Variants in GALNT14 observed in about 807,000 individuals in gnomAD.
GALNT14 encodes UDP-GalNAc:polypeptide N-acetylgalactosaminyltransferase 14.
In GALNT14, 60 loss-of-function variants were observed where a neutral mutation model predicts 77.5. That is an observed-to-expected ratio of 0.77 (90% CI 0.63 to 0.96). The LOEUF (loss-of-function observed/expected upper bound fraction) is 0.96, where lower values mean the gene tolerates loss of function less well. Ranked by LOEUF, GALNT14 falls within the 40% of genes least tolerant of loss-of-function variation. The pLI, the probability that GALNT14 is intolerant of heterozygous loss-of-function variation, is 0.00. For missense variants in GALNT14, 710 were observed against 731.0 expected (o/e 0.97, Z 0.33); for synonymous variants, 280 against 281.7 (o/e 0.99, Z 0.06).
intron 1 of GALNT14, among the ~76,000 whole-genome samples, chr2:31,061,434 C>T (rs532905245): frequency 2.0e-5 from 3 of 152,306 alleles, no homozygotes; most frequent in Admixed American, 1.3e-4. Context: ...TGGCTTCCCA[C>T]GATCACTCCC....
rs148507427 is a variant in GALNT14, at chr2:30,961,808, A to T, written c.399-3344T>A. Among the ~76,000 whole-genome samples the T allele has an allele frequency of 7.3e-3, 1,117 of 152,072 alleles. 81 individuals are homozygous for T. In the East Asian group the frequency reaches 0.17, roughly 23 times the overall value. ...GTGATTCTCCTGACTCAGCCTCCCAAGTAGCTGGGATTACAGGCGCCTGCC... is the reference window on the plus strand; with the variant it reads ...GTGATTCTCCTGACTCAGCCTCCCATGTAGCTGGGATTACAGGCGCCTGCC... On this transcript the variant is annotated intron_variant, in intron 3 of 14. Transcript: ENST00000349752.
chr2:30,911,915 A>T (rs1201959563), intron 14 of GALNT14, among the ~76,000 whole-genome samples: 2 of 152,130 alleles, frequency 1.3e-5, no homozygotes, highest in Non-Finnish European at 2.9e-5. Context: ...TGACCCTGAG[A>T]TCCTTGTTTG....
At chr2:31,070,170 G>T (rs930445498) in intron 1 of GALNT14, among the ~76,000 whole-genome samples, 2 of 152,164 alleles carry the variant, frequency 1.3e-5, no homozygotes, top group South Asian at 4.1e-4. Flanking sequence ...CTCGACCAAG[G>T]ACTTCTTCCC....
intron 1 of GALNT14, among the ~76,000 whole-genome samples, chr2:31,136,529 C>T (rs1679235215): frequency 6.6e-6 from 1 of 152,156 alleles, no homozygotes; most frequent in South Asian, 2.1e-4. Flanking sequence ...GATGAGTGAA[C>T]TCCTCTCCCC....
intron 3 of GALNT14, 126 bp from the exon 4 acceptor site, chr2:30,958,590 C>G: frequency 1.4e-6 from 1 of 703,950 alleles, no homozygotes; most frequent in Non-Finnish European, 2.5e-6. Context: ...CGGGCTTGTC[C>G]AGTCATATTG....
chr2:31,020,438 A>G (rs1185342701), intron 1 of GALNT14, among the ~76,000 whole-genome samples: 2 of 152,206 alleles, frequency 1.3e-5, no homozygotes, highest in African/African-American at 4.8e-5. Context: ...CCCCCTCAGG[A>G]AAGTCAGAGC....
chr2:31,086,076 G>A (rs1471065916), intron 1 of GALNT14, among the ~76,000 whole-genome samples: 1 of 152,208 alleles, frequency 6.6e-6, no homozygotes, highest in Non-Finnish European at 1.5e-5. Flanking sequence ...TATGACATGT[G>A]GGGATTATGG....
At chr2:31,012,015 G>A (rs1486712343) in intron 1 of GALNT14, among the ~76,000 whole-genome samples, 10 of 152,214 alleles carry the variant, frequency 6.6e-5, no homozygotes, top group African/African-American at 2.4e-4. Context: ...AGAAGGGTGG[G>A]GAACGCCAGT....
At chr2:30,998,845 C>A (rs1258916601) in intron 1 of GALNT14, among the ~76,000 whole-genome samples, 1 of 152,202 alleles carries the variant, frequency 6.6e-6, no homozygotes, top group Non-Finnish European at 1.5e-5. Flanking sequence ...TTTTCTTGGA[C>A]CATCTTCAAA....
chr2:31,024,794 C>A (rs964945677), intron 1 of GALNT14, among the ~76,000 whole-genome samples: 1 of 152,172 alleles, frequency 6.6e-6, no homozygotes, highest in Non-Finnish European at 1.5e-5. Flanking sequence ...GAACAAATAC[C>A]AGGCCCAAAG....
chr2:30,976,753 T>C lies in GALNT14; in HGVS notation c.300-10451A>G, dbSNP rs144284084. The stretch of plus-strand genomic sequence containing the variant: ...TTCCTAAAAAAGATACCTTGGTGTC[T>C]GGGACCAGAGCTCCTTCATGTCTTA... On this transcript the variant is annotated intron_variant, in intron 2 of 14. Coordinates refer to ENST00000349752, the MANE Select transcript of GALNT14 (RefSeq NM_024572.4). Among the ~76,000 whole-genome samples, 839 of 152,332 alleles carry C rather than the reference T, an allele frequency of 5.5e-3. 7 individuals carry two copies. Among genetic ancestry groups the C allele is most frequent in the African/African-American group, 0.019 (773 of 41,578 alleles).
chr2:30,892,607 GTAGAAAC>G, the GALNT14 span, among the ~76,000 whole-genome samples: 1 of 152,186 alleles, frequency 6.6e-6, no homozygotes, highest in Non-Finnish European at 1.5e-5. Context: ...GCCTTGGAAG[GTAGAAAC>G]AATGTTTCCC....
At position 31,084,658 on chromosome 2, in the gene GALNT14, A is replaced by T. The variant is rs749711; in HGVS notation, c.129+53300T>A. 1.9e-3 allele frequency among the ~76,000 whole-genome samples: 286 copies of T among 152,082 alleles called. 4 individuals carry two copies. Among genetic ancestry groups the T allele is most frequent in the African/African-American group, 6.5e-3 (270 of 41,478 alleles). ...CTTGGTAGCTGAGCAGCCTAATGCA[A>T]GTCATTTAACCTCCCTGAACCTCAG... On this transcript the variant is annotated intron_variant, in intron 1 of 14. Transcript: ENST00000349752.
chr2:31,081,438 G>A (rs997843785), intron 1 of GALNT14, among the ~76,000 whole-genome samples: 13 of 152,188 alleles, frequency 8.5e-5, no homozygotes. Flanking sequence ...AAATAAGCAG[G>A]AAGGAAAGGG....
chr2:31,130,783 T>TGTGC (rs1181788023), intron 1 of GALNT14, among the ~76,000 whole-genome samples: 1,188 of 118,418 alleles, frequency 0.01, 5 homozygotes, highest in African/African-American at 0.015. Flanking sequence ...TGTGTGTGTG[T>TGTGC]GCGCGCGCAC....
At chr2:31,100,045 G>A (rs11676343) in intron 1 of GALNT14, among the ~76,000 whole-genome samples, 7,306 of 151,852 alleles carry the variant, frequency 0.048, 318 homozygotes, top group African/African-American at 0.12. Context: ...CTTTAGTAGT[G>A]TTTTTAAATC....
At chr2:31,128,815 T>G (rs1482687080) in intron 1 of GALNT14, among the ~76,000 whole-genome samples, 1 of 152,204 alleles carries the variant, frequency 6.6e-6, no homozygotes, top group Non-Finnish European at 1.5e-5. Context: ...TCCCGTGGAC[T>G]GGCCCTGACT....
chr2:31,101,446 T>C (rs1396577378), intron 1 of GALNT14, among the ~76,000 whole-genome samples: 1 of 149,256 alleles, frequency 6.7e-6, no homozygotes, highest in East Asian at 2.0e-4. Flanking sequence ...TGCTCTGGAC[T>C]AGTGCATTTT....
intron 13 of GALNT14, among the ~76,000 whole-genome samples, chr2:30,914,746 C>T (rs1427878246): frequency 1.3e-5 from 2 of 152,216 alleles, no homozygotes; most frequent in Non-Finnish European, 2.9e-5. Flanking sequence ...ACTAGAGACA[C>T]AGTCCACCCT....
Sources: gnomAD v4.1 joint callset for allele counts (sites outside exome capture counted in the v4.1 genomes callset) on GRCh38, gnomAD v4.1.1 for gene constraint, MANE v1.5 for transcripts, NCBI Gene and HGNC (gene_info 2026-07-23, HGNC 2026-07-21) for gene names.